Variants in DCPS observed in about 807,000 individuals in gnomAD.
DCPS encodes m7GpppX diphosphatase.
Under a neutral mutation model 34.7 loss-of-function variants are expected in DCPS, and 27 were observed. The observed-to-expected ratio is 0.78, with a 90% confidence interval of 0.57 to 1.07. The LOEUF (loss-of-function observed/expected upper bound fraction) is 1.07. DCPS is among the 50% of genes least tolerant of loss of function. The pLI, the probability that DCPS is intolerant of heterozygous loss-of-function variation, is 0.00. For missense variants in DCPS, 464 were observed against 436.9 expected (o/e 1.06, Z -0.55); for synonymous variants, 185 against 185.7 (o/e 1.00, Z 0.03).
At chr11:126,304,317 G>C (rs757723602) in intron 1 of DCPS, 36 bp downstream of exon 1, 1 of 1,607,232 alleles carries the variant, frequency 6.2e-7, no homozygotes, top group South Asian at 1.1e-5. Flanking sequence ...GATGCGGGAA[G>C]CAGTGAACCA....
intron 2 of DCPS, among the ~76,000 whole-genome samples, chr11:126,310,033 C>T (rs946134846): frequency 6.6e-6 from 1 of 152,160 alleles, no homozygotes; most frequent in African/African-American, 2.4e-5. Flanking sequence ...AGATTTTTAC[C>T]ACTCAAAGTG....
At chr11:126,318,760 T>A (rs911842489) in intron 2 of DCPS, among the ~76,000 whole-genome samples, 7 of 152,198 alleles carry the variant, frequency 4.6e-5, no homozygotes, top group African/African-American at 1.7e-4. Context: ...AGCCACAGAC[T>A]GAGCCATAGA....
rs1259793435 is a variant in DCPS, at chr11:126,345,014, C to T, written c.748-333C>T. On this transcript the variant is annotated intron_variant, in intron 5 of 5. Coordinates refer to ENST00000263579, the MANE Select transcript of DCPS (RefSeq NM_014026.6). The surrounding 1 kb of genome is among the most constrained non-coding windows in gnomAD (Gnocchi z 7.4). ...ATAGTCTTGGGAATCTGGGGCCTGT[C>T]TGTAGACACTGGGCCTTCCAAGATT... Among the ~76,000 whole-genome samples the T allele has an allele frequency of 6.6e-6, 1 of 152,244 alleles. No individual in the cohort carries two copies. Among genetic ancestry groups the T allele is most frequent in the South Asian group, 2.1e-4 (1 of 4,838 alleles).
Position 126,336,510 on chromosome 11 carries a change from C to T in DCPS, c.523-1776C>T, listed in dbSNP as rs145563068. ...ACCCAGTGACAGCTGGGAGATGAAACCAGGTCTCCTTGGCTCAGAACCTGT... is the reference window on the plus strand; with the variant it reads ...ACCCAGTGACAGCTGGGAGATGAAATCAGGTCTCCTTGGCTCAGAACCTGT... On this transcript the variant is annotated intron_variant, in intron 3 of 5. Transcript: ENST00000263579. The surrounding 1 kb of genome is among the most constrained non-coding windows in gnomAD (Gnocchi z 6.3). 8 of 152,356 alleles carry T rather than the reference C, an allele frequency of 5.3e-5. No homozygotes were observed. Among genetic ancestry groups the T allele is most frequent in the African/African-American group, 1.9e-4 (8 of 41,572 alleles). 9.4% of individuals were successfully genotyped at this position (152,356 alleles called of 1,614,324 possible).
intron 2 of DCPS, among the ~76,000 whole-genome samples, chr11:126,314,635 T>A (rs1322816606): frequency 6.6e-6 from 1 of 152,084 alleles, no homozygotes; most frequent in Non-Finnish European, 1.5e-5. Flanking sequence ...GTGGTATATA[T>A]CATACCATGG....
chr11:126,309,246 G>A (rs1387300894), intron 2 of DCPS, among the ~76,000 whole-genome samples: 2 of 152,014 alleles, frequency 1.3e-5, no homozygotes, highest in African/African-American at 2.4e-5. Flanking sequence ...GGCTGGTCTC[G>A]AACTCCTGAT....
In DCPS at chr11:126,346,628, T is replaced by G. The variant is rs1367783983; in HGVS notation, c.*1015T>G. ...CCAGAGGGGCTGGTGTTTGCCACTT[T>G]GTCAGAGTAGGGCTGTGGATTTTGT... is the stretch of plus-strand genomic sequence containing the variant. On this transcript the variant is annotated 3_prime_UTR_variant, in exon 6 of 6. Transcript: ENST00000263579. This position sits in a 1 kb window ranked among gnomAD's most constrained non-coding sequence, Gnocchi z 4.1. 6.6e-6 allele frequency among the ~76,000 whole-genome samples: 1 copy of G among 152,234 alleles called. No homozygotes were observed. Among genetic ancestry groups the G allele is most frequent in the African/African-American group, 2.4e-5 (1 of 41,476 alleles).
chr11:126,306,583 C>CTGGGGG lies in DCPS; in HGVS notation c.220_221insGTGGGG (p.Gly73_Asp74insGlyGly). ...CTCTGCCCACAGGTGAATGAGGCCT[C>CTGGGGG]TGGGGATGGGGATGGAGAGGATGCC... On this transcript the variant is annotated inframe_insertion, in exon 2 of 6. Coordinates refer to ENST00000263579, the MANE Select transcript of DCPS (RefSeq NM_014026.6). 1.2e-6 allele frequency: 2 copies of CTGGGGG among 1,608,634 alleles called. No individual in the cohort carries two copies. The highest frequency in any genetic ancestry group is 1.7e-6 in the Non-Finnish European group (2 of 1,176,156).
Position 126,338,350 on chromosome 11 carries a change from C to A in DCPS, c.587C>A (p.Pro196His). The change falls in exon 4 of 6, where the codon CCC becomes CAC. Residue 196 changes from proline (P) to histidine (H), a missense_variant. Transcript: ENST00000263579. This position sits in a 1 kb window ranked among gnomAD's most constrained non-coding sequence, Gnocchi z 5.4. ...CGGATTGTTTTCGAGAACCCAGATC[C>A]CTCTGATGGTTTTGTCCTCATCCCT... ...ADRIVFENPDPSDGFVLIPDL... is the reference protein window; with the variant it reads ...ADRIVFENPDHSDGFVLIPDL... The A allele has an allele frequency of 6.2e-7, 1 of 1,614,168 alleles. No homozygotes were observed. The highest frequency in any genetic ancestry group is 1.1e-5 in the South Asian group (1 of 91,086).
chr11:126,306,777 AG>A, intron 2 of DCPS, 33 bp downstream of exon 2: 1 of 1,577,218 alleles, frequency 6.3e-7, no homozygotes, highest in Non-Finnish European at 8.7e-7. Flanking sequence ...GGCTGTATGG[AG>A]GGAGAATGGG....
chr11:126,338,108 C>G lies in DCPS; in HGVS notation c.523-178C>G, dbSNP rs1951846958. The G allele has an allele frequency of 1.6e-6, 1 of 619,202 alleles. No homozygotes were observed. Among genetic ancestry groups the G allele is most frequent in the Non-Finnish European group, 2.9e-6 (1 of 344,072 alleles). The allele number at this position is 619,202 out of a possible 1,614,324, so 38.4% of individuals were successfully genotyped here. A position where few individuals can be genotyped will look rare whatever the true frequency, so the allele number is the denominator to read the frequency against. On this transcript the variant is annotated intron_variant, in intron 3 of 5. Coordinates refer to ENST00000263579, the MANE Select transcript of DCPS (RefSeq NM_014026.6). The surrounding 1 kb of genome is among the most constrained non-coding windows in gnomAD (Gnocchi z 5.4). ...GGAAGGGGGAAGTCCCTTCTGGACC[C>G]CTAAGAACAGATGCTTGGGGACAGG... is the stretch of plus-strand genomic sequence containing the variant.
Position 126,349,285 on chromosome 11 carries a change from A to G in DCPS, c.*3672A>G, listed in dbSNP as rs993028650. 6.6e-6 allele frequency among the ~76,000 whole-genome samples: 1 copy of G among 152,220 alleles called. No homozygotes were observed. The highest frequency in any genetic ancestry group is 1.5e-5 in the Non-Finnish European group (1 of 68,046). ...CATGTGTTGAACTGTGTGCCCTCAG[A>G]AGCATGCCATGCCCCCGCTCTGCTG... On this transcript the variant is annotated 3_prime_UTR_variant, in exon 6 of 6. Transcript: ENST00000263579. The surrounding 1 kb of genome is among the most constrained non-coding windows in gnomAD (Gnocchi z 5.4).
chr11:126,304,880 C>T (rs1951550533), intron 1 of DCPS, among the ~76,000 whole-genome samples: 1 of 152,190 alleles, frequency 6.6e-6, no homozygotes. Context: ...CCAACGTGCT[C>T]AGCAATCTGG....
chr11:126,321,511 G>A (rs1478144113), intron 2 of DCPS, among the ~76,000 whole-genome samples: 3 of 152,116 alleles, frequency 2.0e-5, no homozygotes, highest in Non-Finnish European at 4.4e-5. Context: ...TGCCCAGCCC[G>A]AGAGAAAACC....
Position 126,338,950 on chromosome 11 carries a change from G to A in DCPS, c.636+551G>A, listed in dbSNP as rs555887525. Reference sequence around the variant, plus strand: ...GCTTCTCCTACTTTCCTAAGGAGCAGGTTTGGGAGGAGCCGTCCTCCCTCA... The same window carrying A: ...GCTTCTCCTACTTTCCTAAGGAGCAAGTTTGGGAGGAGCCGTCCTCCCTCA... On this transcript the variant is annotated intron_variant, in intron 4 of 5. Transcript: ENST00000263579. The surrounding 1 kb of genome is among the most constrained non-coding windows in gnomAD (Gnocchi z 5.4). Among the ~76,000 whole-genome samples the A allele has an allele frequency of 3.3e-4, 50 of 152,316 alleles. No homozygotes were observed. Among genetic ancestry groups the A allele is most frequent in the South Asian group, 1.7e-3 (8 of 4,830 alleles).
rs1161664474 is a variant in DCPS, at chr11:126,319,848, CT to C, written c.377-11556del. ...ATCTCAGCTCTGCCACTATTAATAGCTGTGTGTCCTTGGGCAAATTACTCAA... is the reference window on the plus strand; with the variant it reads ...ATCTCAGCTCTGCCACTATTAATAGCGTGTGTCCTTGGGCAAATTACTCAA... On this transcript the variant is annotated intron_variant, in intron 2 of 5. Coordinates refer to ENST00000263579, the MANE Select transcript of DCPS (RefSeq NM_014026.6). The surrounding 1 kb of genome is among the most constrained non-coding windows in gnomAD (Gnocchi z 4.5). 6.6e-6 allele frequency among the ~76,000 whole-genome samples: 1 copy of C among 152,132 alleles called. No homozygotes were observed. The highest frequency in any genetic ancestry group is 1.5e-5 in the Non-Finnish European group (1 of 68,036).
In DCPS at chr11:126,346,123, G is replaced by A. The variant is rs1951925766; in HGVS notation, c.*510G>A. 6.6e-6 allele frequency among the ~76,000 whole-genome samples: 1 copy of A among 152,142 alleles called. No homozygotes were observed. Among genetic ancestry groups the A allele is most frequent in the African/African-American group, 2.4e-5 (1 of 41,406 alleles). On this transcript the variant is annotated 3_prime_UTR_variant, in exon 6 of 6. Transcript: ENST00000263579. This position sits in a 1 kb window ranked among gnomAD's most constrained non-coding sequence, Gnocchi z 4.1. ...GGCACTTCCTCCTTCCAGCAGTGAGGTCACACCTCCCTGTGAGTCAGTCAA... is the reference window on the plus strand; with the variant it reads ...GGCACTTCCTCCTTCCAGCAGTGAGATCACACCTCCCTGTGAGTCAGTCAA...
chr11:126,343,625 GC>G (rs1489243578), intron 5 of DCPS, among the ~76,000 whole-genome samples: 2 of 152,018 alleles, frequency 1.3e-5, no homozygotes, highest in East Asian at 3.9e-4. Context: ...ACCCTCACAC[GC>G]CTTCCTCGGC....
Position 126,331,035 on chromosome 11 carries a change from C to T in DCPS, c.377-370C>T, listed in dbSNP as rs1951786410. Among the ~76,000 whole-genome samples the T allele has an allele frequency of 6.6e-6, 1 of 152,066 alleles. No homozygotes were observed. Among genetic ancestry groups the T allele is most frequent in the African/African-American group, 2.4e-5 (1 of 41,394 alleles). On this transcript the variant is annotated intron_variant, in intron 2 of 5. Coordinates refer to ENST00000263579, the MANE Select transcript of DCPS (RefSeq NM_014026.6). This position sits in a 1 kb window ranked among gnomAD's most constrained non-coding sequence, Gnocchi z 7.2. ...ACAGGCGTCAGCCACTGCGCCCGGC[C>T]TTTAAGCCATATTTTCAGCTTTGGG...
Sources: gnomAD v4.1 joint callset for allele counts (sites outside exome capture counted in the v4.1 genomes callset) on GRCh38, gnomAD v4.1.1 for gene constraint, Gnocchi (gnomAD v3.1) non-coding constraint, MANE v1.5 for transcripts, NCBI Gene and HGNC (gene_info 2026-07-23, HGNC 2026-07-21) for gene names.